The following GALNT2 variants were observed in gnomAD, a reference collection of about 807,000 sequenced individuals.
GALNT2 encodes the protein UDP-GalNAc:polypeptide N-acetylgalactosaminyltransferase 2.
In GALNT2, 31 loss-of-function variants were observed where a neutral mutation model predicts 81.4. The ratio of observed to expected loss-of-function variants is 0.38; its 90% CI spans 0.29 to 0.51. GALNT2 has a LOEUF of 0.51. GALNT2 is among the 20% of genes least tolerant of loss of function. GALNT2 has a pLI of 0.87. For synonymous variants in GALNT2, 303 were observed against 287.4 expected (o/e 1.05, Z -0.55); for missense variants, 629 against 765.7 (o/e 0.82, Z 2.11).
intron 1 of GALNT2, among the ~76,000 whole-genome samples, chr1:230,118,681 T>A (rs915235874): frequency 6.6e-6 from 1 of 152,004 alleles, no homozygotes; most frequent in African/African-American, 2.4e-5. Flanking sequence ...CTACGGGGAC[T>A]GGCTGTCGGT....
intron 1 of GALNT2, among the ~76,000 whole-genome samples, chr1:230,144,674 A>G (rs980545458): frequency 6.6e-6 from 1 of 151,952 alleles, no homozygotes; most frequent in African/African-American, 2.4e-5. Context: ...TAGGGGTGGT[A>G]GTGGTGTGTT....
intron 1 of GALNT2, among the ~76,000 whole-genome samples, chr1:230,075,819 G>A (rs918072593): frequency 9.2e-5 from 14 of 152,208 alleles, no homozygotes; most frequent in African/African-American, 3.4e-4. Context: ...CAGTATTAAA[G>A]TGGTGATCAC....
chr1:230,118,540 C>T (rs1484018509), intron 1 of GALNT2, among the ~76,000 whole-genome samples: 6 of 152,230 alleles, frequency 3.9e-5, no homozygotes, highest in Non-Finnish European at 8.8e-5. Context: ...ATAGTCCCAT[C>T]AGTGCCACCA....
At chr1:230,137,397 G>A (rs1661583941) in intron 1 of GALNT2, among the ~76,000 whole-genome samples, 1 of 152,188 alleles carries the variant, frequency 6.6e-6, no homozygotes, top group African/African-American at 2.4e-5. Context: ...GGTCTGCTGT[G>A]GAGGTGCCCA....
At chr1:230,219,392 G>A (rs181828158) in intron 3 of GALNT2, among the ~76,000 whole-genome samples, 38 of 152,038 alleles carry the variant, frequency 2.5e-4, no homozygotes, top group Admixed American at 4.6e-4. Context: ...GTGTACTGGC[G>A]CGTGGGACCA....
intron 1 of GALNT2, among the ~76,000 whole-genome samples, chr1:230,126,205 C>G (rs1017051289): frequency 2.0e-5 from 3 of 152,146 alleles, no homozygotes; most frequent in Non-Finnish European, 4.4e-5. Context: ...GGGAACTTCC[C>G]AGAGCAGGAG....
chr1:230,062,269 T>C (rs1429174880), upstream of GALNT2, among the ~76,000 whole-genome samples: 1 of 152,242 alleles, frequency 6.6e-6, no homozygotes, highest in Non-Finnish European at 1.5e-5. Flanking sequence ...TTTTCCTTAA[T>C]GTTAAGTACT....
intron 3 of GALNT2, among the ~76,000 whole-genome samples, chr1:230,211,363 T>A (rs1381721123): frequency 6.6e-6 from 1 of 152,184 alleles, no homozygotes; most frequent in Non-Finnish European, 1.5e-5. Flanking sequence ...TTGTTGGCAT[T>A]TGTGGCCGTG....
chr1:230,088,594 G>A (rs938176699), intron 1 of GALNT2, among the ~76,000 whole-genome samples: 9 of 150,306 alleles, frequency 6.0e-5, no homozygotes, highest in African/African-American at 2.2e-4. Context: ...CTGGAGTGCA[G>A]TGGCGCTATC....
intron 3 of GALNT2, among the ~76,000 whole-genome samples, chr1:230,213,858 T>G (rs1240863190): frequency 1.3e-5 from 2 of 152,252 alleles, no homozygotes; most frequent in African/African-American, 2.4e-5. Context: ...CCACTTACCT[T>G]CAGCCCTTTG....
At chr1:230,060,199 T>C (rs1037681706) in intron 1 of GALNT2, among the ~76,000 whole-genome samples, 2 of 152,186 alleles carry the variant, frequency 1.3e-5, no homozygotes, top group African/African-American at 2.4e-5. Flanking sequence ...TTACAGAATG[T>C]TCCCCATTTT....
chr1:230,233,105 G>A (rs929840500), intron 3 of GALNT2, among the ~76,000 whole-genome samples: 12 of 152,282 alleles, frequency 7.9e-5, no homozygotes, highest in Admixed American at 2.6e-4. Flanking sequence ...CTGAAGGTGC[G>A]GCCATTGCTG....
At chr1:230,152,950 A>G (rs1054132286) in intron 1 of GALNT2, among the ~76,000 whole-genome samples, 3 of 152,048 alleles carry the variant, frequency 2.0e-5, no homozygotes, top group Non-Finnish European at 2.9e-5. Context: ...AGGGAAAATC[A>G]CTCCATCTTT....
At position 230,179,184 on chromosome 1, in the gene GALNT2, A is replaced by T. The variant is rs12037200; in HGVS notation, c.220+873A>T. ...TAACATTCCATTGTCTGGGTGTATTAGTTTGTTTATTCACCTAGTGAAGGA... is the reference window on the plus strand; with the variant it reads ...TAACATTCCATTGTCTGGGTGTATTTGTTTGTTTATTCACCTAGTGAAGGA... On this transcript the variant is annotated intron_variant, in intron 2 of 15. Transcript: ENST00000366672. 2.6e-5 allele frequency among the ~76,000 whole-genome samples: 4 copies of T among 151,820 alleles called. No individual in the cohort carries two copies. The East Asian group carries it at 7.7e-4, about 29-fold the overall frequency.
chr1:230,092,619 C>T (rs372745782), intron 1 of GALNT2, among the ~76,000 whole-genome samples: 22 of 152,272 alleles, frequency 1.4e-4, no homozygotes, highest in African/African-American at 5.1e-4. Flanking sequence ...GCTGGGATTA[C>T]AGGTGTGAGC....
intron 1 of GALNT2, among the ~76,000 whole-genome samples, chr1:230,078,280 G>C (rs919466953): frequency 6.6e-6 from 1 of 151,896 alleles, no homozygotes; most frequent in Admixed American, 6.6e-5. Context: ...GTCGTATTTG[G>C]GGGGGGATCA....
chr1:230,245,891 C>G (rs539491785), intron 7 of GALNT2, among the ~76,000 whole-genome samples, 172 bp from the exon 8 acceptor site: 1 of 152,312 alleles, frequency 6.6e-6, no homozygotes, highest in East Asian at 1.9e-4. Context: ...TGGCCAAGAG[C>G]AAGACCTTCT....
At chr1:230,147,348 T>C (rs958378208) in intron 1 of GALNT2, among the ~76,000 whole-genome samples, 1 of 152,236 alleles carries the variant, frequency 6.6e-6, no homozygotes, top group African/African-American at 2.4e-5. Context: ...ATTCATTGTG[T>C]TCAAACCTTC....
intron 1 of GALNT2, among the ~76,000 whole-genome samples, chr1:230,156,271 T>C (rs1431707382): frequency 6.6e-6 from 1 of 150,476 alleles, no homozygotes; most frequent in Non-Finnish European, 1.5e-5. Flanking sequence ...GTGTGTGTTT[T>C]ACAGCAAAGA....
Sources: gnomAD v4.1 joint callset for allele counts (sites outside exome capture counted in the v4.1 genomes callset) on GRCh38, gnomAD v4.1.1 for gene constraint, MANE v1.5 for transcripts, NCBI Gene and HGNC (gene_info 2026-07-23, HGNC 2026-07-21) for gene names.